Variants in MYO5B observed in about 807,000 individuals in gnomAD.
The protein encoded by MYO5B is unconventional myosin-Vb.
A neutral mutation model predicts 229.3 loss-of-function variants in MYO5B; 143 were observed. The ratio of observed to expected loss-of-function variants is 0.62; its 90% confidence interval spans 0.54 to 0.72. MYO5B has a LOEUF of 0.72. Among genes scored for constraint, MYO5B ranks in the 30% least tolerant of loss-of-function variants. The pLI is 0.00. For missense variants in MYO5B, 2,321 were observed against 2,331.0 expected (o/e 1.00, Z 0.09); for synonymous variants, 918 against 885.2 (o/e 1.04, Z -0.66).
chr18:50,194,688 G>A, intron 1 of MYO5B, 79 bp downstream of exon 1: 5 of 1,057,582 alleles, frequency 4.7e-6, no homozygotes, highest in Admixed American at 2.4e-5. Flanking sequence ...GTAGCCGAGG[G>A]AGAAGGCGAC....
At chr18:49,923,311 G>C (rs1205666406) in intron 17 of MYO5B, among the ~76,000 whole-genome samples, 1 of 152,232 alleles carries the variant, frequency 6.6e-6, no homozygotes, top group East Asian at 1.9e-4. Flanking sequence ...CAGGGCCCAT[G>C]ACTTGAATCT....
At chr18:50,094,422 C>G (rs2031510856) in intron 1 of MYO5B, among the ~76,000 whole-genome samples, 1 of 152,048 alleles carries the variant, frequency 6.6e-6, no homozygotes, top group Non-Finnish European at 1.5e-5. Context: ...ATGGACGACA[C>G]TTCTTTTTGG....
At chr18:49,961,504 G>T (rs1375355506) in intron 12 of MYO5B, among the ~76,000 whole-genome samples, 1 of 152,236 alleles carries the variant, frequency 6.6e-6, no homozygotes, top group African/African-American at 2.4e-5. Flanking sequence ...GCAAGATGTG[G>T]GAGAGCAGAA....
At chr18:49,976,548 A>AT (rs1231074228) in intron 9 of MYO5B, among the ~76,000 whole-genome samples, 1 of 152,184 alleles carries the variant, frequency 6.6e-6, no homozygotes, top group African/African-American at 2.4e-5. Flanking sequence ...TTTAAGAAGC[A>AT]TTTTTGGAAT....
intron 1 of MYO5B, among the ~76,000 whole-genome samples, chr18:50,169,401 T>C (rs1221145701): frequency 7.8e-6 from 1 of 127,608 alleles, no homozygotes; most frequent in African/African-American, 3.0e-5. Context: ...TAGAGAAACC[T>C]GGCATACACC....
rs186437874 is a variant in MYO5B at position 50,008,695 on chromosome 18, T to C, written c.456-7284A>G. Among the ~76,000 whole-genome samples, 533 of 152,310 alleles carry C rather than the reference T, an allele frequency of 3.5e-3. 1 individual carries two copies. The highest frequency in any genetic ancestry group is 5.7e-3 in the Non-Finnish European group (391 of 68,016). ...TGCAAAACAGGAAGAAGGGGAAGCCTGGCTTGCCAAGCCACCACAGAAAGG... is the reference window on the plus strand; with the variant it reads ...TGCAAAACAGGAAGAAGGGGAAGCCCGGCTTGCCAAGCCACCACAGAAAGG... On this transcript the variant is annotated intron_variant, in intron 4 of 39. Coordinates refer to ENST00000285039, the MANE Select transcript of MYO5B (RefSeq NM_001080467.3).
chr18:50,125,133 CA>C (rs2032137962), intron 1 of MYO5B, among the ~76,000 whole-genome samples: 1 of 152,162 alleles, frequency 6.6e-6, no homozygotes, highest in African/African-American at 2.4e-5. Context: ...GAACAGAGCG[CA>C]AACCTACCTT....
At chr18:50,146,669 G>GTAAC (rs1184474670) in intron 1 of MYO5B, among the ~76,000 whole-genome samples, 1 of 152,110 alleles carries the variant, frequency 6.6e-6, no homozygotes, top group Non-Finnish European at 1.5e-5. Context: ...TTTCATCAAG[G>GTAAC]GTTATTACAT....
chr18:50,187,813 G>A (rs1048636797), intron 1 of MYO5B, among the ~76,000 whole-genome samples: 4 of 152,136 alleles, frequency 2.6e-5, no homozygotes, highest in African/African-American at 9.7e-5. Flanking sequence ...GACTGTGCCT[G>A]GCTTGACCAA....
rs755423254 is a variant in MYO5B at position 49,902,578 on chromosome 18, A to T, written c.2811+16T>A. The T allele has an allele frequency of 6.2e-7, 1 of 1,609,604 alleles. No homozygotes were observed. Among genetic ancestry groups the T allele is most frequent in the Non-Finnish European group, 8.5e-7 (1 of 1,179,990 alleles). ...CCAAGCCCCCGACACCCAGGTAGGG[A>T]GCTGCAGACACTGACCTGCTCATCG... On this transcript the variant is annotated intron_variant, in intron 21 of 39. Transcript: ENST00000285039.
intron 2 of MYO5B, 78 bp from the exon 3 acceptor site, chr18:50,040,392 C>A: frequency 7.6e-7 from 1 of 1,311,518 alleles, no homozygotes; most frequent in Non-Finnish European, 1.1e-6. Flanking sequence ...GTCTTCTTAG[C>A]TGGAATCACC....
At chr18:50,143,277 T>C (rs1293828607) in intron 1 of MYO5B, among the ~76,000 whole-genome samples, 2 of 152,138 alleles carry the variant, frequency 1.3e-5, no homozygotes, top group East Asian at 1.9e-4. Flanking sequence ...GGGAGAAGCC[T>C]TGGAAAGGAT....
intron 22 of MYO5B, among the ~76,000 whole-genome samples, chr18:49,889,571 C>T (rs1787550): frequency 0.58 from 88,364 of 151,992 alleles, 25,829 homozygotes; most frequent in Middle Eastern, 0.67. Context: ...CCAGACCTTA[C>T]CATGGAGCAA....
At chr18:50,035,846 G>A (rs1381772501) in intron 4 of MYO5B, among the ~76,000 whole-genome samples, 1 of 152,158 alleles carries the variant, frequency 6.6e-6, no homozygotes, top group East Asian at 1.9e-4. Context: ...ATATCACTGA[G>A]TATCTATAAT....
rs1447784570 is a variant in MYO5B, at chr18:50,194,777, A to G, written c.17T>C (p.Leu6Pro). ...CGCGGCCGCGCTCACCTGGCTGTAG[A>G]GCTCGCCCACCGACATGGCCCGGGC... MSVGE[L>P]YSQCTRVWIP... Residue 6 changes from leucine (L) to proline (P), a missense_variant, in exon 1 of 40, where the codon CTC becomes CCC. Leu to Pro is a moderately conservative substitution (Grantham distance 98). This residue lies in a region of MYO5B where 2,113 missense variants were observed against 2,044.7 expected (regional missense o/e 1.03). Coordinates refer to ENST00000285039, the MANE Select transcript of MYO5B (RefSeq NM_001080467.3). 3 of 1,462,932 alleles carry G rather than the reference A, an allele frequency of 2.1e-6. No homozygotes were observed. The highest frequency in any genetic ancestry group is 3.0e-5 in the East Asian group (1 of 33,472). 90.6% of individuals were successfully genotyped at this position (1,462,932 alleles called of 1,614,324 possible).
chr18:50,111,100 T>C (rs2031856726), intron 1 of MYO5B, among the ~76,000 whole-genome samples: 1 of 151,966 alleles, frequency 6.6e-6, no homozygotes. Flanking sequence ...AAATGGCAAA[T>C]AGGCAAAAAA....
At chr18:49,891,550 G>T (rs1787556) in intron 22 of MYO5B, among the ~76,000 whole-genome samples, 88,605 of 152,068 alleles carry the variant, frequency 0.58, 25,948 homozygotes, top group Middle Eastern at 0.66. Flanking sequence ...AGGACCATGA[G>T]CTTCTGTGCT....
At chr18:49,960,831 A>G (rs1196597608) in intron 12 of MYO5B, among the ~76,000 whole-genome samples, 1 of 152,212 alleles carries the variant, frequency 6.6e-6, no homozygotes, top group Non-Finnish European at 1.5e-5. Flanking sequence ...GTGTAGGACA[A>G]ACTGCCTACT....
chr18:50,067,350 CT>C (rs2030845785), intron 1 of MYO5B, among the ~76,000 whole-genome samples: 1 of 152,266 alleles, frequency 6.6e-6, no homozygotes, highest in South Asian at 2.1e-4. Flanking sequence ...AAGGAGAAGC[CT>C]TTGCCTGCTG....
Sources: allele counts gnomAD v4.1 joint callset (sites outside exome capture counted in the v4.1 genomes callset), GRCh38; gene constraint gnomAD v4.1.1; regional missense constraint gnomAD v4.1.1; transcripts MANE v1.5; gene names NCBI Gene and HGNC (gene_info 2026-07-23, HGNC 2026-07-21).